The following LRRTM4 variants were observed in gnomAD, a reference collection of about 807,000 sequenced individuals.
LRRTM4 encodes the protein leucine-rich repeat transmembrane neuronal protein 4.
LRRTM4 carries 25 observed loss-of-function variants against 47.6 expected under a neutral mutation model. The observed-to-expected ratio is 0.53, with a 90% CI of 0.38 to 0.73. The LOEUF is 0.73. Among genes scored for constraint, LRRTM4 ranks in the 30% least tolerant of loss-of-function variants. The pLI is 0.00. For synonymous variants in LRRTM4, 311 were observed against 269.5 expected (o/e 1.15, Z -1.51); for missense variants, 638 against 713.4 (o/e 0.89, Z 1.20).
chr2:77,141,049 T>C (rs1463095357), intron 3 of LRRTM4, among the ~76,000 whole-genome samples: 1 of 152,166 alleles, frequency 6.6e-6, no homozygotes, highest in Admixed American at 6.5e-5. Context: ...TCAACCATTG[T>C]GGAAGACAGT....
chr2:77,462,713 G>T (rs1676836464), intron 3 of LRRTM4, among the ~76,000 whole-genome samples: 2 of 152,024 alleles, frequency 1.3e-5, no homozygotes. Context: ...CCAAGCAAAG[G>T]CTTTTAAACG....
At chr2:76,991,380 G>C (rs1677003619) in intron 3 of LRRTM4, among the ~76,000 whole-genome samples, 1 of 151,438 alleles carries the variant, frequency 6.6e-6, no homozygotes, top group Admixed American at 6.6e-5. Context: ...GGACAAACAA[G>C]ATCAATAGAC....
In LRRTM4 at chr2:76,787,040, A is replaced by G. The variant is rs1053885846; in HGVS notation, c.1552-38124T>C. Among the ~76,000 whole-genome samples, 3 of 152,244 alleles carry G rather than the reference A, an allele frequency of 2.0e-5. No individual in the cohort carries two copies. In the East Asian group the frequency reaches 5.8e-4, roughly 29 times the overall value. On this transcript the variant is annotated intron_variant, in intron 3 of 3. Coordinates refer to ENST00000409884, the MANE Select transcript of LRRTM4 (RefSeq NM_001134745.3). ...CATGAGGGATATCTAAGGGAAGTAC[A>G]TAAGGATGCCCTAAGGAAAATTCCC...
intron 3 of LRRTM4, among the ~76,000 whole-genome samples, chr2:77,128,801 G>T (rs571464156): frequency 1.3e-5 from 2 of 149,788 alleles, no homozygotes; most frequent in Non-Finnish European, 3.0e-5. Context: ...CACCATGCCC[G>T]GCTAATTTTT....
At chr2:77,270,272 A>C (rs954104379) in intron 3 of LRRTM4, among the ~76,000 whole-genome samples, 12 of 152,152 alleles carry the variant, frequency 7.9e-5, no homozygotes, top group Admixed American at 2.6e-4. Context: ...AAAAATGAAA[A>C]GGTAATAGGT....
intron 3 of LRRTM4, among the ~76,000 whole-genome samples, chr2:77,012,896 A>G (rs1677926194): frequency 6.6e-6 from 1 of 152,232 alleles, no homozygotes; most frequent in African/African-American, 2.4e-5. Flanking sequence ...TATTAATAAC[A>G]TACCTGGAAA....
rs187285383 is a variant in LRRTM4, at chr2:77,147,379, G to A, written c.1551+370939C>T. Among the ~76,000 whole-genome samples the A allele has an allele frequency of 2.8e-3, 425 of 152,180 alleles. 1 individual carries two copies. Among genetic ancestry groups the A allele is most frequent in the Non-Finnish European group, 4.7e-3 (318 of 67,980 alleles). ...CCAGGAGCACATTTAATTAGGACAG[G>A]AACTGTTAGTGTGCAAGAGAGCAGA... On this transcript the variant is annotated intron_variant, in intron 3 of 3. Coordinates refer to ENST00000409884, the MANE Select transcript of LRRTM4 (RefSeq NM_001134745.3).
intron 3 of LRRTM4, among the ~76,000 whole-genome samples, chr2:77,012,521 A>C (rs1056596660): frequency 1.3e-5 from 2 of 152,234 alleles, no homozygotes; most frequent in African/African-American, 4.8e-5. Flanking sequence ...ATTACAGAGA[A>C]TCACCTGCAG....
intron 3 of LRRTM4, among the ~76,000 whole-genome samples, chr2:77,041,514 T>C (rs1461011621): frequency 6.6e-6 from 1 of 151,454 alleles, no homozygotes; most frequent in African/African-American, 2.4e-5. Context: ...GCTGTACTAA[T>C]TTGCATTCCC....
At chr2:76,786,915 A>C (rs1445361740) in intron 3 of LRRTM4, among the ~76,000 whole-genome samples, 1 of 152,024 alleles carries the variant, frequency 6.6e-6, no homozygotes, top group African/African-American at 2.4e-5. Flanking sequence ...AGTTTTTGAC[A>C]CTCTGATTGG....
At chr2:77,198,174 G>C (rs754868455) in intron 3 of LRRTM4, among the ~76,000 whole-genome samples, 1 of 152,174 alleles carries the variant, frequency 6.6e-6, no homozygotes, top group Non-Finnish European at 1.5e-5. Flanking sequence ...GGCGACTGAG[G>C]TTTCATCTTT....
chr2:76,814,806 T>TACAC (rs111468624), intron 3 of LRRTM4, among the ~76,000 whole-genome samples: 918 of 52,648 alleles, frequency 0.017, 3 homozygotes, highest in South Asian at 0.073. Context: ...CACACACACA[T>TACAC]ACACACACAC....
At chr2:76,770,294 C>T (rs1673640403) in intron 3 of LRRTM4, among the ~76,000 whole-genome samples, 1 of 152,188 alleles carries the variant, frequency 6.6e-6, no homozygotes, top group South Asian at 2.1e-4. Context: ...AAAATATTAG[C>T]TCCTTCGGTA....
intron 3 of LRRTM4, among the ~76,000 whole-genome samples, chr2:77,362,134 AAAGAAAGAAAGAAAG>A (rs761744113): frequency 2.6e-5 from 3 of 113,982 alleles, no homozygotes; most frequent in South Asian, 3.3e-4. Flanking sequence ...AGAAAGAAAG[AAAGAAAGAAAGAAAG>A]AAAGAAAGAA....
intron 3 of LRRTM4, among the ~76,000 whole-genome samples, chr2:76,780,786 G>T (rs899646438): frequency 6.6e-6 from 1 of 151,896 alleles, no homozygotes; most frequent in African/African-American, 2.4e-5. Context: ...ATCCAGCTTT[G>T]TTCCGTTGCT....
At chr2:76,915,158 C>T (rs1056954596) in intron 3 of LRRTM4, among the ~76,000 whole-genome samples, 7 of 152,070 alleles carry the variant, frequency 4.6e-5, no homozygotes, top group South Asian at 2.1e-4. Flanking sequence ...AAGAGTGAAC[C>T]CTGGGAGCAA....
intron 3 of LRRTM4, among the ~76,000 whole-genome samples, chr2:76,974,473 A>C (rs1253297838): frequency 6.6e-6 from 1 of 151,048 alleles, no homozygotes; most frequent in African/African-American, 2.4e-5. Context: ...AATATTAACT[A>C]AACTCCTACT....
intron 3 of LRRTM4, among the ~76,000 whole-genome samples, chr2:77,093,517 A>G (rs751822825): frequency 2.0e-5 from 3 of 151,748 alleles, no homozygotes; most frequent in Non-Finnish European, 2.9e-5. Context: ...CTCCCTCTCT[A>G]CATTCCCACA....
intron 3 of LRRTM4, among the ~76,000 whole-genome samples, chr2:77,026,589 T>G (rs568862784): frequency 6.6e-6 from 1 of 152,104 alleles, no homozygotes; most frequent in Non-Finnish European, 1.5e-5. Context: ...CAGATTCCAT[T>G]TTAATTTTAT....
Sources: gnomAD v4.1 joint callset for allele counts (sites outside exome capture counted in the v4.1 genomes callset) on GRCh38, gnomAD v4.1.1 for gene constraint, MANE v1.5 for transcripts, NCBI Gene and HGNC (gene_info 2026-07-23, HGNC 2026-07-21) for gene names.